Variants in MTRFR observed in about 807,000 individuals in gnomAD.
The protein encoded by MTRFR is probable peptide chain release factor C12orf65, mitochondrial.
A neutral mutation model predicts 11.9 loss-of-function variants in MTRFR; 10 were observed. That is an observed-to-expected ratio of 0.84 (90% CI 0.52 to 1.42). MTRFR has a LOEUF of 1.42. Ranked by LOEUF, MTRFR falls within the 40% of genes most tolerant of loss-of-function variation. The pLI, the probability that MTRFR is intolerant of heterozygous loss-of-function variation, is 0.00. For missense variants in MTRFR, 196 were observed against 197.9 expected (o/e 0.99, Z 0.06); for synonymous variants, 77 against 79.1 (o/e 0.97, Z 0.14).
chr12:123,234,952 C>T (rs777957329), intron 1 of MTRFR, among the ~76,000 whole-genome samples: 2 of 152,134 alleles, frequency 1.3e-5, no homozygotes, highest in Admixed American at 1.3e-4. Context: ...TTATCAAGTA[C>T]TTCTTAAATT....
chr12:123,234,935 T>C (rs932016382), intron 1 of MTRFR, among the ~76,000 whole-genome samples: 1 of 152,206 alleles, frequency 6.6e-6, no homozygotes, highest in African/African-American at 2.4e-5. Context: ...TTCAGTAATG[T>C]CATGGCTTAT....
chr12:123,241,353 C>T (rs867127064), intron 1 of MTRFR, among the ~76,000 whole-genome samples: 63 of 151,960 alleles, frequency 4.1e-4, no homozygotes, highest in African/African-American at 1.5e-3. Context: ...TTTTTTGAGA[C>T]AGAGTCTCGC....
At chr12:123,248,613 A>C (rs1400843295) in intron 1 of MTRFR, 1 of 152,258 alleles carries the variant, frequency 6.6e-6, no homozygotes, top group African/African-American at 2.4e-5. Context: ...AGACCTTCGC[A>C]GTGAGTGTTG....
chr12:123,256,075 T>C (rs754780893), intron 2 of MTRFR, among the ~76,000 whole-genome samples: 11 of 152,206 alleles, frequency 7.2e-5, no homozygotes, highest in Admixed American at 1.3e-4. Context: ...TTAAGATTTA[T>C]CTTTTATCAA....
intron 2 of MTRFR, among the ~76,000 whole-genome samples, chr12:123,256,262 C>T (rs887325455): frequency 6.6e-6 from 1 of 152,172 alleles, no homozygotes; most frequent in Non-Finnish European, 1.5e-5. Context: ...TTGATACTTT[C>T]ATAATTATTT....
At chr12:123,256,728 A>G in intron 2 of MTRFR, 85 bp from the exon 3 acceptor site, 1 of 1,048,234 alleles carries the variant, frequency 9.5e-7, no homozygotes, top group African/African-American at 1.6e-5. Context: ...TAAAAAAGCG[A>G]ACAGGTTGAA....
chr12:123,250,378 A>G (rs1198786579), intron 1 of MTRFR: 2 of 152,014 alleles, frequency 1.3e-5, no homozygotes, highest in Non-Finnish European at 2.9e-5. Context: ...CAGGTAAATC[A>G]GGTATTTCTT....
intron 1 of MTRFR, among the ~76,000 whole-genome samples, chr12:123,235,516 CA>C (rs1287379252): frequency 6.6e-6 from 1 of 151,758 alleles, no homozygotes; most frequent in Non-Finnish European, 1.5e-5. Context: ...AGGTGCCTGC[CA>C]CCAGGCCCAG....
At chr12:123,244,544 G>A (rs577246824) in intron 1 of MTRFR, among the ~76,000 whole-genome samples, 1 of 152,268 alleles carries the variant, frequency 6.6e-6, no homozygotes, top group African/African-American at 2.4e-5. Flanking sequence ...TGCAGTTCCC[G>A]TAATCCTCCT....
intron 1 of MTRFR, among the ~76,000 whole-genome samples, chr12:123,236,724 C>CT (rs1332856034): frequency 3.3e-5 from 5 of 152,046 alleles, no homozygotes; most frequent in African/African-American, 1.2e-4. Flanking sequence ...GTTATTCCTG[C>CT]TTTTTTAATG....
chr12:123,254,112 C>A, intron 2 of MTRFR, 156 bp downstream of exon 2: 1 of 822,772 alleles, frequency 1.2e-6, no homozygotes, highest in Non-Finnish European at 1.9e-6. Flanking sequence ...CACCGCAGAT[C>A]TCGTCCCATC....
intron 1 of MTRFR, among the ~76,000 whole-genome samples, chr12:123,238,347 G>C (rs953819225): frequency 2.6e-5 from 4 of 152,064 alleles, no homozygotes; most frequent in Non-Finnish European, 5.9e-5. Context: ...ATGTTGTTTG[G>C]CCCTTAACTG....
Position 123,256,868 on chromosome 12 carries a change from A to G in MTRFR, c.338A>G (p.Gln113Arg), listed in dbSNP as rs2048187377. The G allele has an allele frequency of 6.2e-7, 1 of 1,613,930 alleles. No homozygotes were observed. Among genetic ancestry groups the G allele is most frequent in the Admixed American group, 1.7e-5 (1 of 59,998 alleles). Residue 113 changes from glutamine to arginine, a missense_variant, in exon 3 of 3, where the codon CAA becomes CGA. Coordinates refer to ENST00000253233, the MANE Select transcript of MTRFR (RefSeq NM_152269.5). ...AGAAAGCTAGCTCGGAAAATCCTAC[A>G]AGAGAAAGTAGATGTTTTCTACAAT... Reference protein sequence around the residue: ...QNRKLARKILQEKVDVFYNGE... With the variant: ...QNRKLARKILREKVDVFYNGE...
At chr12:123,235,036 C>T (rs2047821013) in intron 1 of MTRFR, among the ~76,000 whole-genome samples, 2 of 152,150 alleles carry the variant, frequency 1.3e-5, no homozygotes, top group Non-Finnish European at 2.9e-5. Context: ...AAAACAAAGG[C>T]CGATGAAATA....
chr12:123,255,198 T>C lies in MTRFR; in HGVS notation c.282+1242T>C, dbSNP rs1021718536. ...GAATCTGGGACATAGAGAGGCTAAGTGACCTGCCCAAGGTCCTGCCACTCA... is the reference window on the plus strand; with the variant it reads ...GAATCTGGGACATAGAGAGGCTAAGCGACCTGCCCAAGGTCCTGCCACTCA... On this transcript the variant is annotated intron_variant, in intron 2 of 2. Transcript: ENST00000253233. Among the ~76,000 whole-genome samples, 16 of 152,290 alleles carry C rather than the reference T, an allele frequency of 1.1e-4. No individual in the cohort carries two copies. The South Asian group carries it at 2.7e-3, about 26-fold the overall frequency.
chr12:123,238,570 A>T (rs1040768340), intron 1 of MTRFR, among the ~76,000 whole-genome samples: 3 of 152,164 alleles, frequency 2.0e-5, no homozygotes, highest in African/African-American at 7.2e-5. Context: ...CAGGAGTTTG[A>T]GACCAGACTG....
chr12:123,235,466 G>A (rs994630349), intron 1 of MTRFR, among the ~76,000 whole-genome samples: 2 of 151,934 alleles, frequency 1.3e-5, no homozygotes, highest in African/African-American at 4.8e-5. Context: ...CCAGGTTCAC[G>A]CCATTCTCCT....
At chr12:123,251,043 AG>A (rs1420065344) in intron 1 of MTRFR, 2 of 152,184 alleles carry the variant, frequency 1.3e-5, no homozygotes, top group Non-Finnish European at 2.9e-5. Flanking sequence ...TGAGATTCCC[AG>A]GTCACTGGAG....
intron 1 of MTRFR, among the ~76,000 whole-genome samples, chr12:123,237,919 G>A (rs867975230): frequency 3.4e-5 from 5 of 148,258 alleles, no homozygotes; most frequent in South Asian, 2.1e-4. Flanking sequence ...TTTTTGAGAC[G>A]GAGTCTCACT....
Sources: allele counts gnomAD v4.1 joint callset (sites outside exome capture counted in the v4.1 genomes callset), GRCh38; gene constraint gnomAD v4.1.1; transcripts MANE v1.5; gene names NCBI Gene and HGNC (gene_info 2026-07-23, HGNC 2026-07-21).